Variants in CAPN5 observed in about 807,000 individuals in gnomAD.
CAPN5 encodes calpain 5.
In CAPN5, 54 loss-of-function variants were observed where a neutral mutation model predicts 73.0. That is an observed-to-expected ratio of 0.74 (90% CI 0.59 to 0.93). The LOEUF (loss-of-function observed/expected upper bound fraction) is 0.93. CAPN5 is among the 40% of genes least tolerant of loss of function. The pLI, the probability that CAPN5 is intolerant of heterozygous loss-of-function variation, is 0.00. For synonymous variants in CAPN5, 335 were observed against 356.9 expected (o/e 0.94, Z 0.69); for missense variants, 785 against 882.9 (o/e 0.89, Z 1.41).
chr11:77,098,076 C>T (rs1322411412), intron 3 of CAPN5, among the ~76,000 whole-genome samples: 42 of 86,914 alleles, frequency 4.8e-4, no homozygotes, highest in African/African-American at 2.4e-3. Context: ...ACCTCCCGGA[C>T]GGGGCGGCTG....
intron 3 of CAPN5, 116 bp from the exon 4 acceptor site, chr11:77,112,473 C>T (rs549650049): frequency 6.1e-5 from 48 of 788,644 alleles, no homozygotes; most frequent in African/African-American, 4.9e-4. Context: ...AGTTGGAATC[C>T]GAACCCAGTA....
chr11:77,069,696 C>T (rs1949882586), intron 1 of CAPN5, among the ~76,000 whole-genome samples: 1 of 152,192 alleles, frequency 6.6e-6, no homozygotes, highest in Non-Finnish European at 1.5e-5. Context: ...CTCTCTGCAG[C>T]TGGGCTTTTC....
intron 1 of CAPN5, among the ~76,000 whole-genome samples, chr11:77,078,565 A>G (rs1555034198): frequency 6.6e-6 from 1 of 152,148 alleles, no homozygotes; most frequent in Non-Finnish European, 1.5e-5. Context: ...GTGATTCTGT[A>G]TGAATTTTAA....
intron 1 of CAPN5, among the ~76,000 whole-genome samples, chr11:77,083,985 C>T (rs978707805): frequency 8.5e-5 from 13 of 152,196 alleles, no homozygotes; most frequent in Admixed American, 3.3e-4. Context: ...AAGAGTAGAT[C>T]GGGGACTGTG....
intron 7 of CAPN5, among the ~76,000 whole-genome samples, chr11:77,117,745 G>C (rs1280720408): frequency 1.3e-5 from 2 of 152,178 alleles, no homozygotes; most frequent in Admixed American, 6.5e-5. Context: ...CCTCTCAACA[G>C]CCATGGAAGA....
At chr11:77,091,248 A>G (rs1053448688) in intron 2 of CAPN5, among the ~76,000 whole-genome samples, 2 of 152,122 alleles carry the variant, frequency 1.3e-5, no homozygotes, top group African/African-American at 4.8e-5. Flanking sequence ...TGGGATGACC[A>G]TTTATCTCCT....
At chr11:77,073,340 A>G (rs1949931065) in intron 1 of CAPN5, among the ~76,000 whole-genome samples, 1 of 152,180 alleles carries the variant, frequency 6.6e-6, no homozygotes, top group African/African-American at 2.4e-5. Context: ...CTGACCTGGA[A>G]CACCCTTTCA....
At position 77,097,464 on chromosome 11, in the gene CAPN5, G is replaced by GTTTTTTTTT. The variant is rs58077755; in HGVS notation, c.297+3668_297+3676dup. Among the ~76,000 whole-genome samples the GTTTTTTTTT allele has an allele frequency of 2.8e-3, 227 of 79,684 alleles. 3 individuals carry two copies. Among genetic ancestry groups the GTTTTTTTTT allele is most frequent in the East Asian group, 3.8e-3 (8 of 2,120 alleles). The allele number at this position is 79,684 out of a possible 152,430, so 52.3% of individuals were successfully genotyped here. ...AAGGGGTTTCCTGTGTTTCCTTCTA[G>GTTTTTTTTT]TTTTTTTTTTTTTTTTTTTTTTTTT... On this transcript the variant is annotated intron_variant, in intron 3 of 12. Coordinates refer to ENST00000648180, the MANE Select transcript of CAPN5 (RefSeq NM_004055.5).
At chr11:77,084,311 G>A (rs559963813) in intron 1 of CAPN5, among the ~76,000 whole-genome samples, 3 of 152,324 alleles carry the variant, frequency 2.0e-5, no homozygotes, top group South Asian at 2.1e-4. Flanking sequence ...AATTAGAGAC[G>A]CCTATTCCCA....
intron 6 of CAPN5, among the ~76,000 whole-genome samples, chr11:77,115,976 C>CCCAGT (rs2135480183): frequency 6.6e-6 from 1 of 152,216 alleles, no homozygotes; most frequent in South Asian, 2.1e-4. Flanking sequence ...CCCCCTTCCC[C>CCCAGT]CCAGTCTGCA....
chr11:77,117,987 G>T lies in CAPN5; in HGVS notation c.972-170G>T, dbSNP rs527795796. On this transcript the variant is annotated intron_variant, in intron 7 of 12. Transcript: ENST00000648180. The stretch of plus-strand genomic sequence containing the variant: ...AAACAGGTCAAAAGAGAGGTTAAGG[G>T]TCTGTGCAATGCCATGCCTGTGCCC... Among the ~76,000 whole-genome samples, 28 of 152,322 alleles carry T rather than the reference G, an allele frequency of 1.8e-4. 1 individual carries two copies. Among genetic ancestry groups the T allele is most frequent in the Admixed American group, 1.1e-3 (17 of 15,304 alleles).
rs994439885 is a variant in CAPN5, at chr11:77,122,050, G to A, written c.1603+1G>A. ...GCTGGCCTCAAGGACTCCCCAACAG[G>A]TGAGCTCTCCCAGGGAGAGTCCCCC... On this transcript the variant is annotated splice_donor_variant, in intron 11 of 12. Transcript: ENST00000648180. LOFTEE classifies it high-confidence loss of function. 1 of 1,537,008 alleles carries A rather than the reference G, an allele frequency of 6.5e-7. No individual in the cohort carries two copies. The highest frequency in any genetic ancestry group is 1.2e-5 in the South Asian group (1 of 82,926).
intron 3 of CAPN5, among the ~76,000 whole-genome samples, chr11:77,109,529 T>A (rs559734136): frequency 1.3e-5 from 2 of 152,346 alleles, no homozygotes; most frequent in South Asian, 4.1e-4. Flanking sequence ...AATTAGCCCA[T>A]CTTTGGCCAT....
At chr11:77,116,106 C>G (rs138647957) in intron 6 of CAPN5, 120 bp from the exon 7 acceptor site, 185 of 871,770 alleles carry the variant, frequency 2.1e-4, no homozygotes, top group Non-Finnish European at 3.3e-4. Context: ...CTGGCCACAC[C>G]GTGCCGCTGG....
At chr11:77,118,432 A>G (rs1247617970) in intron 8 of CAPN5, 80 bp downstream of exon 8, 3 of 1,259,106 alleles carry the variant, frequency 2.4e-6, no homozygotes, top group Non-Finnish European at 3.3e-6. Flanking sequence ...GGACTCCTGC[A>G]TGACCTTGGG....
intron 1 of CAPN5, among the ~76,000 whole-genome samples, chr11:77,076,304 G>A (rs558427404): frequency 6.6e-6 from 1 of 152,294 alleles, no homozygotes; most frequent in Admixed American, 6.5e-5. Flanking sequence ...GCTGTGAGCC[G>A]AGATCACGCT....
chr11:77,123,602 G>T, intron 12 of CAPN5, 86 bp from the exon 13 acceptor site: 1 of 1,175,040 alleles, frequency 8.5e-7, no homozygotes. Context: ...TCAAGGCCCT[G>T]CCACCACCAC....
chr11:77,122,537 AC>A (rs1950531323), intron 11 of CAPN5, 38 bp from the exon 12 acceptor site: 5 of 427,564 alleles, frequency 1.2e-5, no homozygotes, highest in South Asian at 2.5e-5. Context: ...CACAGCCCCC[AC>A]CCCCACCCTC....
chr11:77,119,078 C>T lies in CAPN5; in HGVS notation c.1216C>T (p.Gln406Ter). ...AGAAGATGAAGTCCTGATCTGCATC[C>T]AGCAGCGGCCAAAGCGGTCTACGCG... ...KPEDEVLICIQQRPKRSTRRE... is the reference protein window; with the variant it reads ...KPEDEVLICI The change falls in exon 9 of 13, where the codon CAG becomes TAG. Residue 406 changes from glutamine (Q) to a stop codon, truncating the protein, a stop_gained. Coordinates refer to ENST00000648180, the MANE Select transcript of CAPN5 (RefSeq NM_004055.5). LOFTEE classifies it high-confidence loss of function. 1 of 1,614,064 alleles carries T rather than the reference C, an allele frequency of 6.2e-7. No homozygotes were observed. Among genetic ancestry groups the T allele is most frequent in the Non-Finnish European group, 8.5e-7 (1 of 1,180,000 alleles).
Sources: allele counts gnomAD v4.1 joint callset (sites outside exome capture counted in the v4.1 genomes callset), GRCh38; gene constraint gnomAD v4.1.1; transcripts MANE v1.5; gene names NCBI Gene and HGNC (gene_info 2026-07-23, HGNC 2026-07-21).